DGAT1: variants seen among roughly 807,000 people sequenced by gnomAD.
The protein encoded by DGAT1 is ACAT related gene product 1.
Under a neutral mutation model 72.6 loss-of-function variants are expected in DGAT1, and 60 were observed. The observed-to-expected ratio is 0.83, with a 90% confidence interval of 0.67 to 1.02. The LOEUF is 1.02. Ranked by LOEUF, DGAT1 falls within the 50% of genes least tolerant of loss-of-function variation. The pLI is 0.00. For synonymous variants in DGAT1, 290 were observed against 267.5 expected (o/e 1.08, Z -0.82); for missense variants, 592 against 670.0 (o/e 0.88, Z 1.29).
In DGAT1 at chr8:144,316,654, G is replaced by A. The variant is rs1554847063; in HGVS notation, c.1367C>T (p.Ala456Val). The change falls in exon 17 of 17, where the codon GCT becomes GTT. Residue 456 changes from alanine (A) to valine (V), a missense_variant. By Grantham distance (64) the Ala-to-Val change is moderately conservative (BLOSUM62 0). Coordinates refer to ENST00000528718, the MANE Select transcript of DGAT1 (RefSeq NM_012079.6). ...RFFQGNYGNA[A>V]VWLSLIIGQP... ...TCCGATGATGAGCGACAGCCACACAGCTGCGTTGCCATAGTTGCCCTGGAA... is the reference window on the plus strand; with the variant it reads ...TCCGATGATGAGCGACAGCCACACAACTGCGTTGCCATAGTTGCCCTGGAA... 2 of 1,611,486 alleles carry A rather than the reference G, an allele frequency of 1.2e-6. No individual in the cohort carries two copies. The highest frequency in any genetic ancestry group is 1.1e-5 in the South Asian group (1 of 90,710).
At chr8:144,324,024 C>G (rs1817530546) in intron 1 of DGAT1, among the ~76,000 whole-genome samples, 1 of 152,220 alleles carries the variant, frequency 6.6e-6, no homozygotes, top group South Asian at 2.1e-4. Flanking sequence ...ACAAAACACC[C>G]TGGGAGAAGC....
chr8:144,316,600 T>G lies in DGAT1; in HGVS notation c.1421A>C (p.His474Pro). ...GQPIAVLMYVHDYYVLNYEAP... is the reference protein window; with the variant it reads ...GQPIAVLMYVPDYYVLNYEAP... The stretch of plus-strand genomic sequence containing the variant: ...CTCATAGTTGAGCACGTAGTAGTCG[T>G]GGACGTACATGAGGACGGCTATTGG... Residue 474 changes from histidine to proline, a missense_variant, in exon 17 of 17, where the codon CAC becomes CCC. Transcript: ENST00000528718. 6.2e-7 allele frequency: 1 copy of G among 1,606,448 alleles called. No homozygotes were observed. Among genetic ancestry groups the G allele is most frequent in the Non-Finnish European group, 8.5e-7 (1 of 1,177,068 alleles).
chr8:144,321,010 C>T lies in DGAT1; in HGVS notation c.288+311G>A, dbSNP rs1175894085. On this transcript the variant is annotated intron_variant, in intron 2 of 16. Transcript: ENST00000528718. Reference sequence around the variant, plus strand: ...GGCCCAGCTCACAACACACAGGCTCCAGCCAGGCACTGTTCGGCCTCCCCA... The same window carrying T: ...GGCCCAGCTCACAACACACAGGCTCTAGCCAGGCACTGTTCGGCCTCCCCA... 2.0e-5 allele frequency among the ~76,000 whole-genome samples: 3 copies of T among 152,090 alleles called. No homozygotes were observed. In the East Asian group the frequency reaches 5.8e-4, roughly 29 times the overall value.
intron 1 of DGAT1, among the ~76,000 whole-genome samples, chr8:144,324,830 G>C (rs371564865): frequency 9.2e-5 from 14 of 152,270 alleles, no homozygotes; most frequent in African/African-American, 3.4e-4. Context: ...CACTTTGGGA[G>C]GCCAAGGCAG....
At chr8:144,322,685 C>T (rs1315570192) in intron 1 of DGAT1, among the ~76,000 whole-genome samples, 2 of 152,228 alleles carry the variant, frequency 1.3e-5, no homozygotes, top group Non-Finnish European at 2.9e-5. Context: ...GTCCCCAAGA[C>T]CCCCAGGCAG....
At chr8:144,318,595 G>A in intron 5 of DGAT1, 29 bp from the exon 6 acceptor site, 1 of 1,608,184 alleles carries the variant, frequency 6.2e-7, no homozygotes, top group South Asian at 1.1e-5. Flanking sequence ...CACTCAACCA[G>A]GGCTCCCATT....
Position 144,318,464 on chromosome 8 carries a change from G to C in DGAT1, c.571C>G (p.Pro191Ala). Residue 191 changes from proline (P) to alanine (A), a missense_variant, in exon 6 of 17, where the codon CCA becomes GCA. Transcript: ENST00000528718. Reference sequence around the variant, plus strand: ...GCAGGGTGGGATGGGGGCGCACCTGGAGTGATAGACTCAACCAGTAAGACC... The same window carrying C: ...GCAGGGTGGGATGGGGGCGCACCTGCAGTGATAGACTCAACCAGTAAGACC... ...AVVLLVESIT[P>A]VGSLLALMAH... 6.2e-7 allele frequency: 1 copy of C among 1,611,028 alleles called. No individual in the cohort carries two copies. Among genetic ancestry groups the C allele is most frequent in the South Asian group, 1.1e-5 (1 of 90,908 alleles).
rs977383255 is a variant in DGAT1 at position 144,315,499 on chromosome 8, G to C, written c.*1055C>G. 7 of 985,506 alleles carry C rather than the reference G, an allele frequency of 7.1e-6. No individual in the cohort carries two copies. Among genetic ancestry groups the C allele is most frequent in the Non-Finnish European group, 8.4e-6 (7 of 830,084 alleles). 61.0% of individuals were successfully genotyped at this position (985,506 alleles called of 1,614,324 possible). ...TAGCTGCAGGTCTGGGGACACCAGG[G>C]CCTGGTCCAGTCTTGGGGTCTTTAA... On this transcript the variant is annotated 3_prime_UTR_variant, in exon 17 of 17. Coordinates refer to ENST00000528718, the MANE Select transcript of DGAT1 (RefSeq NM_012079.6).
intron 1 of DGAT1, among the ~76,000 whole-genome samples, chr8:144,322,422 C>T (rs1554848283): frequency 6.6e-6 from 1 of 152,222 alleles, no homozygotes; most frequent in Admixed American, 6.5e-5. Context: ...GCACATCTGC[C>T]CCTCAGAGCC....
At chr8:144,325,414 G>A (rs908569006) in intron 1 of DGAT1, among the ~76,000 whole-genome samples, 4 of 152,046 alleles carry the variant, frequency 2.6e-5, no homozygotes, top group Admixed American at 2.0e-4. Context: ...TCCCCATGGT[G>A]CCCCGTGAAG....
intron 1 of DGAT1, among the ~76,000 whole-genome samples, chr8:144,325,685 C>G (rs1364613597): frequency 6.6e-6 from 1 of 152,190 alleles, no homozygotes; most frequent in Non-Finnish European, 1.5e-5. Context: ...CTCCACCCCT[C>G]TCTGTCAGTC....
intron 1 of DGAT1, among the ~76,000 whole-genome samples, 186 bp downstream of exon 1, chr8:144,326,251 C>G (rs1038791782): frequency 6.6e-6 from 1 of 152,154 alleles, no homozygotes; most frequent in African/African-American, 2.4e-5. Context: ...AGCTCCAGAG[C>G]CCCTACCCAG....
Position 144,315,665 on chromosome 8 carries a change from G to T in DGAT1, c.*889C>A. The T allele has an allele frequency of 1.0e-6, 1 of 969,776 alleles. No homozygotes were observed. The highest frequency in any genetic ancestry group is 1.2e-6 in the Non-Finnish European group (1 of 815,590). The allele number at this position is 969,776 out of a possible 1,614,324, so 60.1% of individuals were successfully genotyped here. On this transcript the variant is annotated 3_prime_UTR_variant, in exon 17 of 17. Transcript: ENST00000528718. The stretch of plus-strand genomic sequence containing the variant: ...GAACAAGGTGTCCTGAAGGCTGCAG[G>T]GCTGCGCTGTCTGCACTGCCCAGCC...
chr8:144,317,980 G>A lies in DGAT1; in HGVS notation c.789C>T (p.Tyr263=), dbSNP rs149913927. The A allele has an allele frequency of 8.8e-5, 133 of 1,519,384 alleles. No homozygotes were observed. In the African/African-American group the frequency reaches 1.0e-3, roughly 12 times the overall value. The allele number at this position is 1,519,384 out of a possible 1,614,324, so 94.1% of individuals were successfully genotyped here. A position where few individuals can be genotyped will look rare whatever the true frequency, so the allele number is the denominator to read the frequency against. The change falls in exon 9 of 17, where the codon TAC becomes TAT. Residue 263 remains tyrosine, a synonymous_variant. Transcript: ENST00000528718. ...YYFLFAPTLC[Y]ELNFPRSPRI... Reference sequence around the variant, plus strand: ...GGGGAGAGCGGGGAAAGTTGAGCTCGTAGCACAAGGTGGGGGCGAAGAGGA... The same window carrying A: ...GGGGAGAGCGGGGAAAGTTGAGCTCATAGCACAAGGTGGGGGCGAAGAGGA...
In DGAT1 at chr8:144,315,820, C is replaced by T. The variant is rs527281050; in HGVS notation, c.*734G>A. On this transcript the variant is annotated 3_prime_UTR_variant, in exon 17 of 17. Coordinates refer to ENST00000528718, the MANE Select transcript of DGAT1 (RefSeq NM_012079.6). ...AAGTGAAGGAAAGAGGCTGCCAAACCGAGCCCTGCCCCAAGGCGAATAGCC... is the reference window on the plus strand; with the variant it reads ...AAGTGAAGGAAAGAGGCTGCCAAACTGAGCCCTGCCCCAAGGCGAATAGCC... The T allele has an allele frequency of 2.4e-5, 24 of 982,900 alleles. No homozygotes were observed. The African/African-American group carries it at 3.7e-4, about 15-fold the overall frequency. The allele number at this position is 982,900 out of a possible 1,614,324, so 60.9% of individuals were successfully genotyped here. A position where few individuals can be genotyped will look rare whatever the true frequency, so the allele number is the denominator to read the frequency against.
In DGAT1 at chr8:144,315,104, T is replaced by C. The variant is rs147236238; in HGVS notation, c.*1450A>G. The C allele has an allele frequency of 8.1e-4, 802 of 985,458 alleles. 7 individuals are homozygous for C. The African/African-American group carries it at 0.013, about 16-fold the overall frequency. 61.0% of individuals were successfully genotyped at this position (985,458 alleles called of 1,614,324 possible). On this transcript the variant is annotated 3_prime_UTR_variant, in exon 17 of 17. Transcript: ENST00000528718. Reference sequence around the variant, plus strand: ...CTTTAGGGTTCTCCACTCAGCCTGGTGGAGGAAGGGAAGGGGGCCTGCGCT... The same window carrying C: ...CTTTAGGGTTCTCCACTCAGCCTGGCGGAGGAAGGGAAGGGGGCCTGCGCT...
Position 144,318,087 on chromosome 8 carries a change from G to C in DGAT1, c.751+8C>G, listed in dbSNP as rs200287520. ...TCCCCCGCACCTCAGGCCCACAGAG[G>C]TCCTCACCGCGGTAGGTCAGATTGT... is the stretch of plus-strand genomic sequence containing the variant. On this transcript the variant is annotated splice_region_variant and intron_variant, in intron 8 of 16. Coordinates refer to ENST00000528718, the MANE Select transcript of DGAT1 (RefSeq NM_012079.6). 5.8e-5 allele frequency: 89 copies of C among 1,526,684 alleles called. No individual in the cohort carries two copies. The highest frequency in any genetic ancestry group is 7.5e-5 in the Non-Finnish European group (85 of 1,138,154). 94.6% of individuals were successfully genotyped at this position (1,526,684 alleles called of 1,614,324 possible).
At position 144,321,415 on chromosome 8, in the gene DGAT1, G is replaced by A; in HGVS notation, c.201-7C>T. ...ATCCTGCAGGCGATGGCACCTGACA[G>A]AGCACAACACAAGCACCCCCTGAGT... On this transcript the variant is annotated splice_region_variant and splice_polypyrimidine_tract_variant and intron_variant, in intron 1 of 16. Transcript: ENST00000528718. The A allele has an allele frequency of 5.6e-6, 9 of 1,613,582 alleles. No individual in the cohort carries two copies. The highest frequency in any genetic ancestry group is 1.7e-4 in the Middle Eastern group (1 of 6,060).
Position 144,316,194 on chromosome 8 carries a change from A to C in DGAT1, c.*360T>G. 1 of 222,374 alleles carries C rather than the reference A, an allele frequency of 4.5e-6. No homozygotes were observed. The highest frequency in any genetic ancestry group is 1.0e-4 in the East Asian group (1 of 9,556). The allele number at this position is 222,374 out of a possible 1,614,324, so 13.8% of individuals were successfully genotyped here. A position where few individuals can be genotyped will look rare whatever the true frequency, so the allele number is the denominator to read the frequency against. On this transcript the variant is annotated 3_prime_UTR_variant, in exon 17 of 17. Transcript: ENST00000528718. The stretch of plus-strand genomic sequence containing the variant: ...TGCAGTGGAGCTGCTGCTCCCCGGC[A>C]GGTCCTGGGACAGCTGTCCACACAG...
Sources: allele counts gnomAD v4.1 joint callset (sites outside exome capture counted in the v4.1 genomes callset), GRCh38; gene constraint gnomAD v4.1.1; transcripts MANE v1.5; gene names NCBI Gene and HGNC (gene_info 2026-07-23, HGNC 2026-07-21).